TJP2: variants seen among roughly 807,000 people sequenced by gnomAD.
TJP2 encodes the protein tight junction protein 2, also known as Friedreich ataxia region gene X104 (tight junction protein ZO-2).
Under a neutral mutation model 133.1 loss-of-function variants are expected in TJP2, and 91 were observed. The observed-to-expected ratio is 0.68, with a 90% CI of 0.58 to 0.81. The LOEUF (loss-of-function observed/expected upper bound fraction) is 0.81. Ranked by LOEUF, TJP2 falls within the 40% of genes least tolerant of loss-of-function variation. The probability of loss-of-function intolerance (pLI) is 0.00; values close to 1 mark genes in which losing one functional copy is unlikely to be tolerated. For missense variants in TJP2, 1,541 were observed against 1,565.6 expected, an observed-to-expected ratio of 0.98 and a Z score of 0.26; for synonymous variants, 592 against 583.4, an observed-to-expected ratio of 1.01 and a Z score of -0.21.
intron 2 of TJP2, among the ~76,000 whole-genome samples, chr9:69,158,327 C>CAAAA (rs1156502519): frequency 7.2e-4 from 38 of 52,734 alleles, no homozygotes; most frequent in African/African-American, 9.9e-4. Context: ...GACTTTGCCT[C>CAAAA]AAAAAAAAAA....
chr9:69,176,201 C>T (rs1317093093), intron 1 of TJP2, among the ~76,000 whole-genome samples: 1 of 152,156 alleles, frequency 6.6e-6, no homozygotes, highest in African/African-American at 2.4e-5. Flanking sequence ...GAACAGTTAC[C>T]TCACCCGAGC....
rs562762332 is a variant in TJP2 at position 69,209,187 on chromosome 9, C to T, written c.61-3361C>T. On this transcript the variant is annotated intron_variant, in intron 1 of 22. Transcript: ENST00000377245. ...TGAGACAGAGTCTCACTCTGGAGTG[C>T]AGTGGCGCAATCTCAGCTCATTGCA... Among the ~76,000 whole-genome samples the T allele has an allele frequency of 3.2e-4, 48 of 152,200 alleles. No homozygotes were observed. The South Asian group carries it at 8.7e-3, about 28-fold the overall frequency.
chr9:69,226,248 G>A, intron 7 of TJP2, 73 bp downstream of exon 7: 1 of 1,540,630 alleles, frequency 6.5e-7, no homozygotes, highest in South Asian at 1.2e-5. Flanking sequence ...TCTATTTAGT[G>A]TAGCTATCCA....
chr9:69,211,752 G>A (rs1277752252), intron 1 of TJP2, among the ~76,000 whole-genome samples: 1 of 152,144 alleles, frequency 6.6e-6, no homozygotes, highest in Non-Finnish European at 1.5e-5. Flanking sequence ...CCAAGGATGA[G>A]ACAGTCACTG....
chr9:69,174,022 G>A (rs530154218), upstream of TJP2: 3,174 of 1,030,284 alleles, frequency 3.1e-3, 11 homozygotes, highest in Middle Eastern at 0.016. Context: ...TGCCGCCGCC[G>A]CCGCCTCCCG....
At position 69,246,207 on chromosome 9, in the gene TJP2, T is replaced by C. The variant is rs1588150523; in HGVS notation, c.2567-483T>C. On this transcript the variant is annotated intron_variant, in intron 17 of 22. Transcript: ENST00000377245. ...GATACTCGGCATCTGTGGATTTTGG[T>C]ATCCAAGTGGGGGGTGTCCCGGAAC... 1.5e-5 allele frequency: 3 copies of C among 197,700 alleles called. No individual in the cohort carries two copies. In the East Asian group the frequency reaches 3.6e-4, roughly 24 times the overall value. 12.2% of individuals were successfully genotyped at this position (197,700 alleles called of 1,614,324 possible). A position where few individuals can be genotyped will look rare whatever the true frequency, so the allele number is the denominator to read the frequency against.
At chr9:69,145,568 C>T (rs1823177404) in intron 1 of TJP2, 1 of 456,092 alleles carries the variant, frequency 2.2e-6, no homozygotes, top group Non-Finnish European at 3.6e-6. Flanking sequence ...CCCATCACCA[C>T]GGTTGTGTTT....
At chr9:69,129,815 G>A (rs573774298) in intron 1 of TJP2, among the ~76,000 whole-genome samples, 5 of 151,760 alleles carry the variant, frequency 3.3e-5, no homozygotes, top group African/African-American at 9.7e-5. Flanking sequence ...TCAGGAGTTC[G>A]AGACCAGCCT....
chr9:69,203,063 T>A (rs190136136), intron 1 of TJP2, among the ~76,000 whole-genome samples: 28 of 152,216 alleles, frequency 1.8e-4, no homozygotes, highest in African/African-American at 5.8e-4. Flanking sequence ...AAAGAAGTAT[T>A]TATTTCCTCA....
intron 4 of TJP2, 78 bp downstream of exon 4, chr9:69,218,437 T>A: frequency 9.4e-7 from 1 of 1,058,994 alleles, no homozygotes; most frequent in Non-Finnish European, 1.5e-6. Context: ...CCCTTGCTTT[T>A]AAGCATTTGA....
chr9:69,177,607 G>T (rs1196525888), intron 1 of TJP2, among the ~76,000 whole-genome samples: 3 of 152,026 alleles, frequency 2.0e-5, no homozygotes, highest in Non-Finnish European at 2.9e-5. Context: ...AATCCAATAT[G>T]CAGTATTGCA....
At chr9:69,171,435 G>A (rs1238316929), upstream of TJP2, among the ~76,000 whole-genome samples, 2 of 151,368 alleles carry the variant, frequency 1.3e-5, no homozygotes, top group African/African-American at 4.9e-5. Flanking sequence ...CTTTATACTT[G>A]CCTGGGCAAC....
intron 2 of TJP2, among the ~76,000 whole-genome samples, chr9:69,163,639 A>G (rs1002725639): frequency 2.4e-5 from 1 of 42,398 alleles, no homozygotes; most frequent in Non-Finnish European, 4.7e-5. Context: ...CCCTGTCTCC[A>G]AAAAAAAAAA....
At position 69,204,747 on chromosome 9, in the gene TJP2, G is replaced by T. The variant is rs10870017; in HGVS notation, c.61-7801G>T. 333,828 of 866,480 alleles carry T rather than the reference G, an allele frequency of 0.39. 65,991 individuals are homozygous for T. Among genetic ancestry groups the T allele is most frequent in the South Asian group, 0.45 (8,473 of 18,864 alleles). The allele number at this position is 866,480 out of a possible 1,614,324, so 53.7% of individuals were successfully genotyped here. ...TTATTTCTAGCTGGCGTGTGTGTGT[G>T]TGTATCAGAGGGTCTATACTGTATA... On this transcript the variant is annotated intron_variant, in intron 1 of 22. Transcript: ENST00000377245.
chr9:69,171,465 A>G (rs1269388665), upstream of TJP2, among the ~76,000 whole-genome samples: 4 of 152,160 alleles, frequency 2.6e-5, no homozygotes, highest in African/African-American at 4.8e-5. Context: ...TGGCACCTCA[A>G]GAGTAAGCCT....
intron 1 of TJP2, among the ~76,000 whole-genome samples, chr9:69,209,714 A>G (rs1827718730): frequency 6.7e-6 from 1 of 150,258 alleles, no homozygotes; most frequent in African/African-American, 2.5e-5. Context: ...AGATCGTGCC[A>G]TTGCACTCCA....
intron 11 of TJP2, among the ~76,000 whole-genome samples, chr9:69,233,548 G>A (rs532792185): frequency 4.6e-5 from 7 of 152,258 alleles, no homozygotes; most frequent in Admixed American, 2.6e-4. Flanking sequence ...CTAGGTGGGC[G>A]GATCACCTGA....
chr9:69,229,307 A>G, intron 10 of TJP2, 57 bp downstream of exon 10: 2 of 1,557,704 alleles, frequency 1.3e-6, no homozygotes, highest in Non-Finnish European at 1.8e-6. Context: ...TGTCTCTGTA[A>G]CTGAAATCCA....
chr9:69,235,694 C>T (rs1830135560), intron 12 of TJP2, among the ~76,000 whole-genome samples: 1 of 152,162 alleles, frequency 6.6e-6, no homozygotes, highest in South Asian at 2.1e-4. Flanking sequence ...ATGAGGCCCA[C>T]TCGCATTGGG....
Sources: allele counts gnomAD v4.1 joint callset (sites outside exome capture counted in the v4.1 genomes callset), GRCh38; gene constraint gnomAD v4.1.1; transcripts MANE v1.5; gene names NCBI Gene and HGNC (gene_info 2026-07-23, HGNC 2026-07-21).